Variants in PCDHGA9 observed in about 807,000 individuals in gnomAD.
PCDHGA9 encodes the protein protocadherin gamma-A9.
In PCDHGA9, 37 loss-of-function variants were observed where a neutral mutation model predicts 62.5. The ratio of observed to expected loss-of-function variants is 0.59; its 90% CI spans 0.46 to 0.78. The LOEUF (loss-of-function observed/expected upper bound fraction) is 0.78, where lower values mean the gene tolerates loss of function less well. PCDHGA9 is among the 30% of genes least tolerant of loss of function. PCDHGA9 has a pLI of 0.00. For synonymous variants in PCDHGA9, 459 were observed against 484.6 expected (o/e 0.95, Z 0.69); for missense variants, 1,138 against 1,166.2 (o/e 0.98, Z 0.35).
intron 1 of PCDHGA9, among the ~76,000 whole-genome samples, chr5:141,456,363 G>A (rs1233146015): frequency 6.6e-6 from 1 of 152,098 alleles, no homozygotes; most frequent in African/African-American, 2.4e-5. Flanking sequence ...GTCCATGTGT[G>A]GTTCAGTTTA....
chr5:141,422,204 G>A lies in PCDHGA9; in HGVS notation c.2424+16828G>A, dbSNP rs185669562. On this transcript the variant is annotated intron_variant, in intron 1 of 3. Transcript: ENST00000573521. Reference sequence around the variant, plus strand: ...ATGGAAATTCAAGGCCAAGATGGTGGAGGTCTCTTTACCACCACGACGATG... The same window carrying A: ...ATGGAAATTCAAGGCCAAGATGGTGAAGGTCTCTTTACCACCACGACGATG... The A allele has an allele frequency of 1.7e-4, 269 of 1,562,138 alleles. No individual in the cohort carries two copies. The African/African-American group carries it at 3.6e-3, about 21-fold the overall frequency.
At position 141,491,458 on chromosome 5, in the gene PCDHGA9, G is replaced by T. The variant is rs867069360; in HGVS notation, c.2425-3349G>T. 1.9e-6 allele frequency: 3 copies of T among 1,613,974 alleles called. No homozygotes were observed. The highest frequency in any genetic ancestry group is 1.6e-4 in the Middle Eastern group (1 of 6,084). On this transcript the variant is annotated intron_variant, in intron 1 of 3. Coordinates refer to ENST00000573521, the MANE Select transcript of PCDHGA9 (RefSeq NM_018921.3). This position sits in a 1 kb window ranked among gnomAD's most constrained non-coding sequence, Gnocchi z 6.9. ...CAGGCGCCAGGACTCACCCTCCCCGGACTTCTATAAGCAGTCCAGCCCCAA... is the reference window on the plus strand; with the variant it reads ...CAGGCGCCAGGACTCACCCTCCCCGTACTTCTATAAGCAGTCCAGCCCCAA...
intron 1 of PCDHGA9, chr5:141,419,440 C>T (rs368129873): frequency 1.9e-6 from 3 of 1,613,034 alleles, no homozygotes; most frequent in African/African-American, 2.7e-5. Context: ...AGCTGCGCAC[C>T]TTCGAGCTCA....
chr5:141,451,326 G>T (rs189445228), intron 1 of PCDHGA9, among the ~76,000 whole-genome samples: 3 of 152,278 alleles, frequency 2.0e-5, no homozygotes, highest in Admixed American at 2.0e-4. Context: ...GTCACCTAAG[G>T]CTATTGTCTT....
In PCDHGA9 at chr5:141,482,326, GAAT is replaced by G. The variant is rs1344469521; in HGVS notation, c.2425-12479_2425-12477del. Among the ~76,000 whole-genome samples, 3 of 152,072 alleles carry G rather than the reference GAAT, an allele frequency of 2.0e-5. No homozygotes were observed. The East Asian group carries it at 5.8e-4, about 29-fold the overall frequency. ...AGTTTCCTCATCTATAAAATAAAGAGAATATCTACTTTGCAAACTTGTTGTGAG... is the reference window on the plus strand; with the variant it reads ...AGTTTCCTCATCTATAAAATAAAGAGATCTACTTTGCAAACTTGTTGTGAG... On this transcript the variant is annotated intron_variant, in intron 1 of 3. Transcript: ENST00000573521.
At position 141,405,029 on chromosome 5, in the gene PCDHGA9, C is replaced by T; in HGVS notation, c.2077C>T (p.Leu693Phe). Residue 693 changes from leucine to phenylalanine, a missense_variant, in exon 1 of 4, where the codon CTC becomes TTC. Leu to Phe is a conservative substitution (Grantham distance 22). Coordinates refer to ENST00000573521, the MANE Select transcript of PCDHGA9 (RefSeq NM_018921.3). Reference sequence around the variant, plus strand: ...GGAGGCCTCAGACCTTACCCTCTACCTCGTTGTGGCTGTGGCAGTCGTCTC... The same window carrying T: ...GGAGGCCTCAGACCTTACCCTCTACTTCGTTGTGGCTGTGGCAGTCGTCTC... ...DLEASDLTLY[L>F]VVAVAVVSCV... 6.2e-7 allele frequency: 1 copy of T among 1,613,976 alleles called. No homozygotes were observed. Among genetic ancestry groups the T allele is most frequent in the Non-Finnish European group, 8.5e-7 (1 of 1,179,878 alleles).
In PCDHGA9 at chr5:141,404,314, A is replaced by G. The variant is rs772060934; in HGVS notation, c.1362A>G (p.Gln454=). Residue 454 remains glutamine, a synonymous_variant, in exon 1 of 4, where the codon CAA becomes CAG. Transcript: ENST00000573521. The part of the protein sequence containing the change: ...DINDNPPAFS[Q]ASYSVYLPEN... ...ATGATAATCCACCTGCTTTCTCTCA[A>G]GCCTCCTACTCAGTCTACCTCCCGG... is the stretch of plus-strand genomic sequence containing the variant. 1 of 1,613,922 alleles carries G rather than the reference A, an allele frequency of 6.2e-7. No individual in the cohort carries two copies. Among genetic ancestry groups the G allele is most frequent in the East Asian group, 2.2e-5 (1 of 44,880 alleles).
intron 1 of PCDHGA9, among the ~76,000 whole-genome samples, chr5:141,451,611 G>C (rs1004906441): frequency 6.6e-6 from 1 of 152,166 alleles, no homozygotes; most frequent in Admixed American, 6.5e-5. Context: ...GCTAGGCATG[G>C]TGGCTCAAAC....
At chr5:141,492,091 C>A (rs930375969) in intron 1 of PCDHGA9, among the ~76,000 whole-genome samples, 1 of 152,242 alleles carries the variant, frequency 6.6e-6, no homozygotes, top group South Asian at 2.1e-4. Flanking sequence ...CACGCTTCGC[C>A]GGTCTGTAGA....
chr5:141,447,709 T>C (rs896203283), intron 1 of PCDHGA9, among the ~76,000 whole-genome samples: 1 of 152,210 alleles, frequency 6.6e-6, no homozygotes, highest in East Asian at 1.9e-4. Context: ...TATAAGGATG[T>C]ACACATTTTC....
chr5:141,478,499 G>A (rs77463374), intron 1 of PCDHGA9: 18 of 1,612,728 alleles, frequency 1.1e-5, no homozygotes, highest in African/African-American at 2.7e-5. Context: ...CTGTGATCCG[G>A]TGTTCTATAG....
intron 1 of PCDHGA9, among the ~76,000 whole-genome samples, chr5:141,466,443 C>T (rs906096545): frequency 6.6e-6 from 1 of 152,186 alleles, no homozygotes; most frequent in African/African-American, 2.4e-5. Context: ...ACCGAGATGT[C>T]TATGGTGTTG....
chr5:141,465,759 A>G (rs2099108647), intron 1 of PCDHGA9, among the ~76,000 whole-genome samples: 2 of 151,280 alleles, frequency 1.3e-5, no homozygotes, highest in South Asian at 4.2e-4. Context: ...TGGTAAAGTC[A>G]TGTTTCATCT....
At chr5:141,409,988 GC>G in intron 1 of PCDHGA9, 1 of 1,613,278 alleles carries the variant, frequency 6.2e-7, no homozygotes, top group Non-Finnish European at 8.5e-7. Flanking sequence ...AGCGGTGGAC[GC>G]CGACTCGGGA....
chr5:141,505,883 T>C (rs1225759976), intron 3 of PCDHGA9, among the ~76,000 whole-genome samples: 1 of 152,118 alleles, frequency 6.6e-6, no homozygotes, highest in East Asian at 1.9e-4. Flanking sequence ...GTTGTAGAGA[T>C]TAAATGAGAT....
Position 141,476,543 on chromosome 5 carries a change from G to A in PCDHGA9, c.2425-18264G>A, listed in dbSNP as rs1419273574. 1 of 1,614,220 alleles carries A rather than the reference G, an allele frequency of 6.2e-7. No individual in the cohort carries two copies. Among genetic ancestry groups the A allele is most frequent in the South Asian group, 1.1e-5 (1 of 91,084 alleles). On this transcript the variant is annotated intron_variant, in intron 1 of 3. Transcript: ENST00000573521. The surrounding 1 kb of genome is among the most constrained non-coding windows in gnomAD (Gnocchi z 7.6). ...TTTCCCTACCCAGGAAATGAAATTG[G>A]AGATTAGCGAGGCCGTGGCTCCGGG...
intron 1 of PCDHGA9, among the ~76,000 whole-genome samples, chr5:141,483,599 G>A (rs1419379218): frequency 6.6e-6 from 1 of 152,048 alleles, no homozygotes; most frequent in African/African-American, 2.4e-5. Flanking sequence ...GGTCAGGCTG[G>A]TTTACACCTC....
chr5:141,414,909 C>G (rs1230113440), intron 1 of PCDHGA9: 4 of 1,614,220 alleles, frequency 2.5e-6, no homozygotes, highest in Non-Finnish European at 3.4e-6. Context: ...GTTCCACAGG[C>G]GTGGAGCTGG....
At position 141,485,568 on chromosome 5, in the gene PCDHGA9, G is replaced by T. The variant is rs1020556289; in HGVS notation, c.2425-9239G>T. 6.2e-7 allele frequency: 1 copy of T among 1,612,758 alleles called. No homozygotes were observed. Among genetic ancestry groups the T allele is most frequent in the Non-Finnish European group, 8.5e-7 (1 of 1,178,924 alleles). On this transcript the variant is annotated intron_variant, in intron 1 of 3. Coordinates refer to ENST00000573521, the MANE Select transcript of PCDHGA9 (RefSeq NM_018921.3). The surrounding 1 kb of genome is among the most constrained non-coding windows in gnomAD (Gnocchi z 5.7). Reference sequence around the variant, plus strand: ...GTAGATGTGAATGATCACGCCCCCCGTTTTCCGCGGCAGCAGCTGGACTTG... The same window carrying T: ...GTAGATGTGAATGATCACGCCCCCCTTTTTCCGCGGCAGCAGCTGGACTTG...
Sources: gnomAD v4.1 joint callset for allele counts (sites outside exome capture counted in the v4.1 genomes callset) on GRCh38, gnomAD v4.1.1 for gene constraint, Gnocchi (gnomAD v3.1) non-coding constraint, MANE v1.5 for transcripts, NCBI Gene and HGNC (gene_info 2026-07-23, HGNC 2026-07-21) for gene names.